Variants in BAX observed in about 807,000 individuals in gnomAD.
BAX encodes BCL2 associated X, apoptosis regulator.
In BAX, 21 loss-of-function variants were observed where a neutral mutation model predicts 26.8. The observed-to-expected ratio is 0.78, with a 90% CI of 0.56 to 1.13. The LOEUF (loss-of-function observed/expected upper bound fraction) is 1.13, where lower values mean the gene tolerates loss of function less well. Among genes scored for constraint, BAX ranks in the 50% most tolerant of loss-of-function variants. The pLI is 0.00. For synonymous variants in BAX, 110 were observed against 101.8 expected (o/e 1.08, Z -0.49); for missense variants, 236 against 254.6 (o/e 0.93, Z 0.50).
intron 4 of BAX, 88 bp from the exon 5 acceptor site, chr19:48,960,722 C>A: frequency 8.5e-7 from 1 of 1,172,706 alleles, no homozygotes; most frequent in Non-Finnish European, 1.2e-6. Context: ...TGAGGGGAGG[C>A]AAAGAATTGA....
chr19:48,956,510 C>T (rs1333666817), intron 4 of BAX, among the ~76,000 whole-genome samples, 177 bp downstream of exon 4: 2 of 152,172 alleles, frequency 1.3e-5, no homozygotes, highest in Non-Finnish European at 2.9e-5. Flanking sequence ...TTTACTGGAC[C>T]TGCTATGTGC....
chr19:48,956,652 ATTTTT>A (rs746344180), intron 4 of BAX, among the ~76,000 whole-genome samples: 1 of 118,212 alleles, frequency 8.5e-6, no homozygotes, highest in Non-Finnish European at 1.8e-5. Flanking sequence ...AAAGATTTCT[ATTTTT>A]TTTTTTTTTT....
chr19:48,958,071 T>C (rs4645894), intron 4 of BAX, among the ~76,000 whole-genome samples: 5,493 of 144,620 alleles, frequency 0.038, 239 homozygotes, highest in African/African-American at 0.11. Flanking sequence ...GCCCTGGTGG[T>C]AGCAGCAGAG....
At chr19:48,957,504 G>A (rs183690409) in intron 4 of BAX, among the ~76,000 whole-genome samples, 2,721 of 149,112 alleles carry the variant, frequency 0.018, 63 homozygotes, top group East Asian at 0.074. Context: ...CAAACTCCTG[G>A]CCTCAAGTGA....
chr19:48,960,605 C>G (rs1053108870), intron 4 of BAX, among the ~76,000 whole-genome samples: 2 of 152,192 alleles, frequency 1.3e-5, no homozygotes, highest in Non-Finnish European at 2.9e-5. Context: ...TCAAGTGATC[C>G]GCCTGCCTTG....
intron 4 of BAX, among the ~76,000 whole-genome samples, chr19:48,959,054 A>G (rs528318689): frequency 2.0e-5 from 3 of 151,916 alleles, no homozygotes; most frequent in Non-Finnish European, 4.4e-5. Context: ...TCTCTGGTCC[A>G]GAAAAGTCCT....
chr19:48,957,471 C>T (rs995159477), intron 4 of BAX, among the ~76,000 whole-genome samples: 20 of 150,928 alleles, frequency 1.3e-4, no homozygotes, highest in African/African-American at 4.6e-4. Context: ...GACGGAGTTT[C>T]GCCATGTTGG....
chr19:48,961,365 G>A, intron 5 of BAX, 167 bp from the exon 6 acceptor site: 3 of 1,251,278 alleles, frequency 2.4e-6, no homozygotes, highest in Non-Finnish European at 3.2e-6. Flanking sequence ...GGGATTACAG[G>A]TGTGAGCCAC....
Position 48,961,740 on chromosome 19 carries a change from T to A in BAX, c.*104T>A. The A allele has an allele frequency of 1.1e-6, 1 of 908,322 alleles. No individual in the cohort carries two copies. The allele number at this position is 908,322 out of a possible 1,614,324, so 56.3% of individuals were successfully genotyped here. The stretch of plus-strand genomic sequence containing the variant: ...TGGGCATTTTTCTTACTTTTGTAAT[T>A]ATTGGGGGGTGTGGGGAAGAGTGGT... On this transcript the variant is annotated 3_prime_UTR_variant, in exon 6 of 6. Transcript: ENST00000345358.
chr19:48,955,192 GA>G (rs1406384345), intron 1 of BAX: 7 of 500,434 alleles, frequency 1.4e-5, no homozygotes, highest in Non-Finnish European at 2.2e-5. Flanking sequence ...AGAACCAGGG[GA>G]TCTCGGAAGC....
At chr19:48,960,997 C>T (rs943470258) in intron 5 of BAX, 83 bp downstream of exon 5, 1 of 1,613,168 alleles carries the variant, frequency 6.2e-7, no homozygotes, top group Non-Finnish European at 8.5e-7. Flanking sequence ...CCCGCCACTC[C>T]TCTGGGACCC....
Position 48,961,572 on chromosome 19 carries a change from CCG to C in BAX, c.516_517del (p.Val173AspfsTer33). On this transcript the variant is annotated frameshift_variant, in exon 6 of 6. Transcript: ENST00000345358. LOFTEE classifies it high-confidence loss of function. ...TACTTTGGGACGCCCACGTGGCAGA[CCG>C]TGACCATCTTTGTGGCGGGAGTGCT... 6.2e-7 allele frequency: 1 copy of C among 1,611,984 alleles called. No individual in the cohort carries two copies. Among genetic ancestry groups the C allele is most frequent in the Non-Finnish European group, 8.5e-7 (1 of 1,179,148 alleles).
chr19:48,961,306 C>G (rs979675067), intron 5 of BAX: 2 of 1,386,514 alleles, frequency 1.4e-6, no homozygotes, highest in Non-Finnish European at 9.5e-7. Context: ...AGGTTGGTCT[C>G]GAACTCCTGG....
chr19:48,955,742 G>C lies in BAX; in HGVS notation c.142G>C (p.Asp48His). Residue 48 changes from aspartate to histidine, a missense_variant, in exon 3 of 6, where the codon GAC (aspartate) becomes CAC (histidine). Coordinates refer to ENST00000345358, the MANE Select transcript of BAX (RefSeq NM_138761.4). ...MGGEAPELALDPVPQDASTKK... is the reference protein window; with the variant it reads ...MGGEAPELALHPVPQDASTKK... The stretch of plus-strand genomic sequence containing the variant: ...GGGGGAGGCACCCGAGCTGGCCCTG[G>C]ACCCGGTGCCTCAGGATGCGTCCAC... 3 of 1,613,556 alleles carry C rather than the reference G, an allele frequency of 1.9e-6. No individual in the cohort carries two copies. The highest frequency in any genetic ancestry group is 2.5e-6 in the Non-Finnish European group (3 of 1,179,784).
At chr19:48,956,987 G>A (rs895482882) in intron 4 of BAX, among the ~76,000 whole-genome samples, 84 of 147,682 alleles carry the variant, frequency 5.7e-4, no homozygotes, top group African/African-American at 2.0e-3. Context: ...AGACTTCTAA[G>A]GGCAGGTGAC....
At position 48,958,597 on chromosome 19, in the gene BAX, G is replaced by A. The variant is rs556178200; in HGVS notation, c.370-2213G>A. Among the ~76,000 whole-genome samples, 18 of 150,362 alleles carry A rather than the reference G, an allele frequency of 1.2e-4. No individual in the cohort carries two copies. In the South Asian group the frequency reaches 3.8e-3, roughly 32 times the overall value. ...CTCTCGGTTGCACCCAGGCTGGAGT[G>A]CAGTGGCGCGATCTCAGCTCACTGC... On this transcript the variant is annotated intron_variant, in intron 4 of 5. Coordinates refer to ENST00000345358, the MANE Select transcript of BAX (RefSeq NM_138761.4).
chr19:48,957,265 CTTTTTTTTTTT>C (rs61415800), intron 4 of BAX, among the ~76,000 whole-genome samples: 7 of 54,934 alleles, frequency 1.3e-4, no homozygotes, highest in East Asian at 1.5e-3. Context: ...TTTTTCTTTT[CTTTTTTTTTTT>C]TTTTTTTTTT....
intron 1 of BAX, 126 bp downstream of exon 1, chr19:48,955,088 G>A (rs1457419753): frequency 5.3e-6 from 6 of 1,136,706 alleles, no homozygotes; most frequent in Non-Finnish European, 6.7e-6. Context: ...CGGATCGGGC[G>A]CTGCCAGCCT....
intron 3 of BAX, 69 bp from the exon 4 acceptor site, chr19:48,956,129 T>C (rs1600102447): frequency 6.9e-7 from 1 of 1,449,726 alleles, no homozygotes; most frequent in Non-Finnish European, 9.1e-7. Flanking sequence ...TAGTGTGCGG[T>C]GGATGCGGGA....
Sources: allele counts gnomAD v4.1 joint callset (sites outside exome capture counted in the v4.1 genomes callset), GRCh38; gene constraint gnomAD v4.1.1; transcripts MANE v1.5; gene names NCBI Gene and HGNC (gene_info 2026-07-23, HGNC 2026-07-21).